Variants in MCTP1 observed in about 807,000 individuals in gnomAD.
MCTP1 encodes the protein multiple C2 and transmembrane domain-containing protein 1.
Under a neutral mutation model 120.6 loss-of-function variants are expected in MCTP1, and 69 were observed. The observed-to-expected ratio is 0.57, with a 90% confidence interval of 0.47 to 0.70. The LOEUF is 0.70. Among genes scored for constraint, MCTP1 ranks in the 30% least tolerant of loss-of-function variants. The pLI is 0.00. For synonymous variants in MCTP1, 529 were observed against 493.1 expected (o/e 1.07, Z -0.96); for missense variants, 1,203 against 1,248.8 (o/e 0.96, Z 0.55).
At chr5:95,115,425 A>G (rs543568408) in intron 1 of MCTP1, among the ~76,000 whole-genome samples, 1 of 152,240 alleles carries the variant, frequency 6.6e-6, no homozygotes, top group African/African-American at 2.4e-5. Flanking sequence ...TAAACTGAAC[A>G]AAGAGATTAA....
Position 95,044,958 on chromosome 5 carries a change from T to A in MCTP1, c.721-27474A>T, listed in dbSNP as rs913030547. ...AGTGATCGTCAAGCATCAAAATGAC[T>A]ACGTCAATCTCCTGCCTAAAACTTT... is the stretch of plus-strand genomic sequence containing the variant. On this transcript the variant is annotated intron_variant, in intron 1 of 22. Coordinates refer to ENST00000515393, the MANE Select transcript of MCTP1 (RefSeq NM_024717.7). 6.6e-5 allele frequency among the ~76,000 whole-genome samples: 10 copies of A among 152,276 alleles called. 1 individual carries two copies. In the South Asian group the frequency reaches 2.1e-3, roughly 32 times the overall value.
intron 17 of MCTP1, among the ~76,000 whole-genome samples, chr5:94,848,522 CT>C (rs1792984868): frequency 6.6e-6 from 1 of 152,060 alleles, no homozygotes; most frequent in South Asian, 2.1e-4. Context: ...ACAATAAGCT[CT>C]TCTTGTTCCT....
At chr5:94,903,779 C>A (rs980658110) in intron 10 of MCTP1, among the ~76,000 whole-genome samples, 1 of 152,176 alleles carries the variant, frequency 6.6e-6, no homozygotes, top group Non-Finnish European at 1.5e-5. Flanking sequence ...AAGCATTTGG[C>A]ACACTAATAA....
rs140797082 is a variant in MCTP1, at chr5:95,005,024, G to T, written c.838+12343C>A. Among the ~76,000 whole-genome samples the T allele has an allele frequency of 5.0e-3, 761 of 152,280 alleles. 6 individuals are homozygous for T. The highest frequency in any genetic ancestry group is 0.017 in the African/African-American group (727 of 41,558). On this transcript the variant is annotated intron_variant, in intron 2 of 22. Coordinates refer to ENST00000515393, the MANE Select transcript of MCTP1 (RefSeq NM_024717.7). ...CACTGCGGGGTCTGTACCCTGAAGA[G>T]CCACAGGGGCAGAGCTGCCCAAGGT...
intron 12 of MCTP1, among the ~76,000 whole-genome samples, chr5:94,881,090 G>A (rs1581168614): frequency 6.6e-6 from 1 of 152,130 alleles, no homozygotes. Context: ...TGCAGCTAGA[G>A]ATGTAGATGT....
At chr5:95,102,859 CA>C (rs2152374438) in intron 1 of MCTP1, among the ~76,000 whole-genome samples, 1 of 152,268 alleles carries the variant, frequency 6.6e-6, no homozygotes, top group Non-Finnish European at 1.5e-5. Flanking sequence ...CACTTATTAA[CA>C]AACTGCTTGG....
chr5:94,914,367 T>A (rs1490231668), intron 8 of MCTP1, among the ~76,000 whole-genome samples: 1 of 152,246 alleles, frequency 6.6e-6, no homozygotes, highest in Admixed American at 6.5e-5. Context: ...CCTCCCACTT[T>A]GACTTCCTAC....
intron 1 of MCTP1, among the ~76,000 whole-genome samples, chr5:95,174,848 T>C (rs1343910929): frequency 3.9e-5 from 6 of 152,220 alleles, no homozygotes; most frequent in African/African-American, 1.4e-4. Context: ...ATTTATGAAG[T>C]TCATGTGTAC....
At chr5:94,956,344 C>A (rs1330252079) in intron 2 of MCTP1, among the ~76,000 whole-genome samples, 1 of 152,064 alleles carries the variant, frequency 6.6e-6, no homozygotes, top group Non-Finnish European at 1.5e-5. Flanking sequence ...TTCCAAAAAC[C>A]AGAATGCCTC....
intron 1 of MCTP1, among the ~76,000 whole-genome samples, chr5:95,098,291 C>T (rs1756427868): frequency 6.6e-6 from 1 of 152,094 alleles, no homozygotes. Flanking sequence ...AGCTGTTTTT[C>T]CCAATGATTT....
chr5:95,265,445 C>T (rs2152724704), intron 1 of MCTP1, among the ~76,000 whole-genome samples: 1 of 152,334 alleles, frequency 6.6e-6, no homozygotes, highest in African/African-American at 2.4e-5. Flanking sequence ...CCTTCTGAAT[C>T]ATCCACCACC....
intron 1 of MCTP1, among the ~76,000 whole-genome samples, chr5:95,215,441 A>T (rs1202125023): frequency 6.6e-6 from 1 of 152,204 alleles, no homozygotes; most frequent in East Asian, 1.9e-4. Context: ...TCATCATGTT[A>T]TCATGTAAAA....
chr5:94,860,626 A>G (rs557264476), intron 17 of MCTP1, among the ~76,000 whole-genome samples: 11 of 151,770 alleles, frequency 7.2e-5, no homozygotes, highest in Admixed American at 2.0e-4. Flanking sequence ...TCCAAACTAA[A>G]CTTTACCACC....
At chr5:94,945,237 G>A (rs1818649721) in intron 3 of MCTP1, among the ~76,000 whole-genome samples, 1 of 152,144 alleles carries the variant, frequency 6.6e-6, no homozygotes, top group Non-Finnish European at 1.5e-5. Context: ...TTAGGTAACA[G>A]GTAGAAGTTG....
intron 1 of MCTP1, among the ~76,000 whole-genome samples, chr5:95,161,030 T>C (rs945985512): frequency 6.6e-6 from 1 of 152,154 alleles, no homozygotes; most frequent in Non-Finnish European, 1.5e-5. Context: ...GAAAACAGTA[T>C]GGACATTCCT....
chr5:95,133,244 T>C (rs909252559), intron 1 of MCTP1, among the ~76,000 whole-genome samples: 1 of 152,214 alleles, frequency 6.6e-6, no homozygotes, highest in African/African-American at 2.4e-5. Flanking sequence ...CCCCACTGGA[T>C]ACTTGAAACC....
At chr5:94,709,697 G>T (rs1209905126) in intron 21 of MCTP1, 5 of 152,082 alleles carry the variant, frequency 3.3e-5, no homozygotes, top group Admixed American at 3.3e-4. Flanking sequence ...CTTATATAAT[G>T]AAAGTGCTGT....
At chr5:94,979,722 G>C (rs953748277) in intron 2 of MCTP1, 5 of 151,666 alleles carry the variant, frequency 3.3e-5, no homozygotes, top group Non-Finnish European at 5.9e-5. Context: ...ACACTAGATA[G>C]AAAAAAAACA....
At chr5:95,073,043 G>A (rs1176569645) in intron 1 of MCTP1, among the ~76,000 whole-genome samples, 1 of 152,056 alleles carries the variant, frequency 6.6e-6, no homozygotes, top group Non-Finnish European at 1.5e-5. Flanking sequence ...GAGATATGGA[G>A]GACCTCTTTC....
Sources: allele counts gnomAD v4.1 joint callset (sites outside exome capture counted in the v4.1 genomes callset), GRCh38; gene constraint gnomAD v4.1.1; transcripts MANE v1.5; gene names NCBI Gene and HGNC (gene_info 2026-07-23, HGNC 2026-07-21).